The following FBXW11 variants were observed in gnomAD, a reference collection of about 807,000 sequenced individuals.
FBXW11 encodes the protein F-box/WD repeat-containing protein 11.
FBXW11 carries 19 observed loss-of-function variants against 77.6 expected under a neutral mutation model. That is an observed-to-expected ratio of 0.24 (90% confidence interval 0.17 to 0.36). The LOEUF (loss-of-function observed/expected upper bound fraction) is 0.36. Among genes scored for constraint, FBXW11 ranks in the 10% least tolerant of loss-of-function variants. FBXW11 has a pLI of 1.00. For synonymous variants in FBXW11, 235 were observed against 249.4 expected (o/e 0.94, Z 0.54); for missense variants, 334 against 704.2 (o/e 0.47, Z 5.95).
At chr5:171,889,281 AC>A (rs1441459013) in intron 7 of FBXW11, among the ~76,000 whole-genome samples, 1 of 152,200 alleles carries the variant, frequency 6.6e-6, no homozygotes, top group East Asian at 1.9e-4. Flanking sequence ...TAATCTCAGC[AC>A]TTTGGGAGGC....
chr5:171,930,333 A>C (rs1762104149), intron 2 of FBXW11, among the ~76,000 whole-genome samples: 2 of 152,260 alleles, frequency 1.3e-5, no homozygotes, highest in African/African-American at 4.8e-5. Flanking sequence ...GTATTAGTGA[A>C]AAAGTTGACA....
intron 2 of FBXW11, among the ~76,000 whole-genome samples, chr5:171,924,772 C>T (rs148109014): frequency 1.4e-5 from 2 of 139,676 alleles, no homozygotes; most frequent in Admixed American, 7.1e-5. Flanking sequence ...CCCACCCCCC[C>T]ACCCCCGCTG....
At chr5:171,990,140 A>G (rs1471745979) in intron 1 of FBXW11, among the ~76,000 whole-genome samples, 1 of 150,236 alleles carries the variant, frequency 6.7e-6, no homozygotes, top group Non-Finnish European at 1.5e-5. Context: ...GAAGGAGGGA[A>G]GAAGGGGAAA....
chr5:171,886,475 C>T (rs922812729), intron 7 of FBXW11, among the ~76,000 whole-genome samples: 3 of 151,508 alleles, frequency 2.0e-5, no homozygotes, highest in African/African-American at 2.4e-5. Context: ...TAATGTTAAA[C>T]GAAGAGTTAA....
At chr5:171,899,462 G>C (rs1407588644) in intron 5 of FBXW11, among the ~76,000 whole-genome samples, 1 of 152,090 alleles carries the variant, frequency 6.6e-6, no homozygotes, top group Admixed American at 6.5e-5. Flanking sequence ...CTCTCTCTTT[G>C]CTAACTGGGC....
At chr5:171,885,580 T>C (rs796521743) in intron 7 of FBXW11, among the ~76,000 whole-genome samples, 29 of 152,342 alleles carry the variant, frequency 1.9e-4, no homozygotes, top group African/African-American at 6.7e-4. Context: ...TTTTTACTTG[T>C]TGTCAGGACA....
chr5:172,001,838 C>T lies in FBXW11; in HGVS notation c.45+4620G>A, dbSNP rs146450027. The stretch of plus-strand genomic sequence containing the variant: ...CTAAGCCAATTTGGCCAGAGAACCA[C>T]CTATTAGATCCTTTTGATAAATATC... On this transcript the variant is annotated intron_variant, in intron 1 of 13. Coordinates refer to ENST00000517395, the MANE Select transcript of FBXW11 (RefSeq NM_001378974.1). Among the ~76,000 whole-genome samples, 270 of 152,292 alleles carry T rather than the reference C, an allele frequency of 1.8e-3. 2 individuals are homozygous for T. The highest frequency in any genetic ancestry group is 0.013 in the East Asian group (68 of 5,184).
intron 2 of FBXW11, among the ~76,000 whole-genome samples, chr5:171,926,647 C>G (rs528078788): frequency 6.6e-6 from 1 of 152,290 alleles, no homozygotes; most frequent in South Asian, 2.1e-4. Context: ...TGAAGCCAAG[C>G]AGACGCTGCC....
At chr5:171,887,130 T>G (rs1758958448) in intron 7 of FBXW11, among the ~76,000 whole-genome samples, 1 of 152,196 alleles carries the variant, frequency 6.6e-6, no homozygotes, top group South Asian at 2.1e-4. Context: ...AGCCTTTATA[T>G]GCTACTGTAT....
intron 3 of FBXW11, among the ~76,000 whole-genome samples, chr5:171,912,738 C>T (rs1435509200): frequency 2.0e-5 from 3 of 151,944 alleles, no homozygotes; most frequent in African/African-American, 4.8e-5. Context: ...GAAACCCTGT[C>T]TCTACTAAAA....
rs55720474 is a variant in FBXW11 at position 172,002,414 on chromosome 5, A to ATGTGTGTGTGTG, written c.45+4032_45+4043dup. Among the ~76,000 whole-genome samples the ATGTGTGTGTGTG allele has an allele frequency of 5.7e-3, 825 of 144,064 alleles. 7 individuals carry two copies. The highest frequency in any genetic ancestry group is 0.02 in the African/African-American group (798 of 39,004). 94.5% of individuals were successfully genotyped at this position (144,064 alleles called of 152,430 possible). ...AGTGAGGTCCATATATTTTATATAAATGTGTGTGTGTGTGTGTGTGTGTGT... is the reference window on the plus strand; with the variant it reads ...AGTGAGGTCCATATATTTTATATAAATGTGTGTGTGTGTGTGTGTGTGTGTGTGTGTGTGTGT... On this transcript the variant is annotated intron_variant, in intron 1 of 13. Transcript: ENST00000517395.
intron 1 of FBXW11, among the ~76,000 whole-genome samples, chr5:171,999,633 C>T (rs1366351733): frequency 1.3e-5 from 2 of 152,076 alleles, no homozygotes; most frequent in Non-Finnish European, 2.9e-5. Flanking sequence ...GTTACCAAAA[C>T]TGGTTCAATG....
chr5:171,920,785 CA>C (rs1255717086), intron 2 of FBXW11, among the ~76,000 whole-genome samples: 2 of 151,976 alleles, frequency 1.3e-5, no homozygotes, highest in Non-Finnish European at 2.9e-5. Context: ...AACAGATTAG[CA>C]AAAGTAACTT....
At chr5:171,960,992 G>T (rs1763878467) in intron 1 of FBXW11, among the ~76,000 whole-genome samples, 1 of 152,168 alleles carries the variant, frequency 6.6e-6, no homozygotes, top group South Asian at 2.1e-4. Context: ...TATAAAGAAT[G>T]ATGCCAGTAT....
At chr5:171,938,272 C>T (rs1007028262) in intron 2 of FBXW11, among the ~76,000 whole-genome samples, 3 of 152,170 alleles carry the variant, frequency 2.0e-5, no homozygotes, top group Non-Finnish European at 4.4e-5. Context: ...CTATGTTGCC[C>T]AGGCTGGTCT....
chr5:171,940,817 A>C (rs755175261), intron 2 of FBXW11, among the ~76,000 whole-genome samples: 16 of 151,402 alleles, frequency 1.1e-4, no homozygotes, highest in Admixed American at 4.6e-4. Context: ...AACCTGGGAG[A>C]TGGAGGTTGC....
At chr5:171,952,593 C>T (rs1763403505) in intron 2 of FBXW11, among the ~76,000 whole-genome samples, 1 of 149,090 alleles carries the variant, frequency 6.7e-6, no homozygotes, top group South Asian at 2.2e-4. Context: ...GCTAGGATTA[C>T]AGGCGCCCAT....
At chr5:171,958,541 A>G (rs1763735580) in intron 1 of FBXW11, among the ~76,000 whole-genome samples, 1 of 152,234 alleles carries the variant, frequency 6.6e-6, no homozygotes, top group African/African-American at 2.4e-5. Context: ...CTTTGTTTAC[A>G]AAGTCCGTCT....
chr5:171,863,355 T>G lies in FBXW11; in HGVS notation c.*772A>C, dbSNP rs892680736. The G allele has an allele frequency of 4.6e-5, 7 of 152,670 alleles. No individual in the cohort carries two copies. Among genetic ancestry groups the G allele is most frequent in the Non-Finnish European group, 1.0e-4 (7 of 68,048 alleles). The allele number at this position is 152,670 out of a possible 1,614,324, so 9.5% of individuals were successfully genotyped here. On this transcript the variant is annotated 3_prime_UTR_variant, in exon 14 of 14. Coordinates refer to ENST00000517395, the MANE Select transcript of FBXW11 (RefSeq NM_001378974.1). ...AGGTTAAACTGTTATGTACATTATA[T>G]CTACATGCGAATACAGTATTTTAAA...
Sources: gnomAD v4.1 joint callset for allele counts (sites outside exome capture counted in the v4.1 genomes callset) on GRCh38, gnomAD v4.1.1 for gene constraint, MANE v1.5 for transcripts, NCBI Gene and HGNC (gene_info 2026-07-23, HGNC 2026-07-21) for gene names.